The following DLG2 variants were observed in gnomAD, a reference collection of about 807,000 sequenced individuals.
The protein encoded by DLG2 is discs large MAGUK scaffold protein 2.
A neutral mutation model predicts 132.5 loss-of-function variants in DLG2; 45 were observed. The ratio of observed to expected loss-of-function variants is 0.34; its 90% CI spans 0.27 to 0.44. The LOEUF (loss-of-function observed/expected upper bound fraction) is 0.44, where lower values mean the gene tolerates loss of function less well. Ranked by LOEUF, DLG2 falls within the 20% of genes least tolerant of loss-of-function variation. The pLI, the probability that DLG2 is intolerant of heterozygous loss-of-function variation, is 1.00. For synonymous variants in DLG2, 424 were observed against 419.6 expected (o/e 1.01, Z -0.13); for missense variants, 1,045 against 1,196.9 (o/e 0.87, Z 1.87).
intron 19 of DLG2, among the ~76,000 whole-genome samples, chr11:83,597,429 T>C (rs2057776417): frequency 6.6e-6 from 1 of 152,198 alleles, no homozygotes; most frequent in Non-Finnish European, 1.5e-5. Context: ...GGCTCATGCC[T>C]GTAATCCCAG....
intron 15 of DLG2, among the ~76,000 whole-genome samples, chr11:83,889,243 C>T (rs28771738): frequency 0.017 from 2,602 of 152,006 alleles, 76 homozygotes; most frequent in African/African-American, 0.058. Flanking sequence ...CTACAATGAA[C>T]TCAAACAAAT....
At chr11:83,866,254 A>G (rs1303514153) in intron 16 of DLG2, among the ~76,000 whole-genome samples, 3 of 152,180 alleles carry the variant, frequency 2.0e-5, no homozygotes, top group Non-Finnish European at 4.4e-5. Flanking sequence ...CAAGTTAAAA[A>G]AGGACAGTAT....
At chr11:85,287,013 G>T (rs1163391516) in intron 3 of DLG2, among the ~76,000 whole-genome samples, 1 of 152,034 alleles carries the variant, frequency 6.6e-6, no homozygotes. Flanking sequence ...ATATTACCTA[G>T]TATTGGATTA....
At chr11:84,593,777 C>G (rs1320577825) in intron 6 of DLG2, among the ~76,000 whole-genome samples, 1 of 151,882 alleles carries the variant, frequency 6.6e-6, no homozygotes, top group Non-Finnish European at 1.5e-5. Context: ...GCACATGTAT[C>G]CCAGAACTTA....
intron 18 of DLG2, among the ~76,000 whole-genome samples, chr11:83,764,161 T>C (rs1440833905): frequency 6.6e-6 from 1 of 152,078 alleles, no homozygotes; most frequent in African/African-American, 2.4e-5. Context: ...AGCAGTACTA[T>C]CGCATGGCTG....
At chr11:83,859,722 G>A (rs549918787) in intron 16 of DLG2, among the ~76,000 whole-genome samples, 9 of 152,310 alleles carry the variant, frequency 5.9e-5, no homozygotes, top group Middle Eastern at 3.4e-3. Flanking sequence ...CTGAATGTTA[G>A]TCACCTAGAA....
intron 6 of DLG2, among the ~76,000 whole-genome samples, chr11:84,597,393 T>C (rs956504420): frequency 6.6e-6 from 1 of 152,118 alleles, no homozygotes; most frequent in South Asian, 2.1e-4. Context: ...CTATTTTTTT[T>C]CCAAAAAGTT....
In DLG2 at chr11:83,703,661, A is replaced by C. The variant is rs183857397; in HGVS notation, c.1826-70336T>G. Among the ~76,000 whole-genome samples the C allele has an allele frequency of 5.3e-5, 8 of 152,346 alleles. No homozygotes were observed. In the East Asian group the frequency reaches 1.5e-3, roughly 29 times the overall value. Reference sequence around the variant, plus strand: ...TGAAACTCTGTCTCAAAAAAAATCAACAAAAACCAAAGTTTTCTTTACATT... The same window carrying C: ...TGAAACTCTGTCTCAAAAAAAATCACCAAAAACCAAAGTTTTCTTTACATT... On this transcript the variant is annotated intron_variant, in intron 18 of 27. Transcript: ENST00000376104.
At chr11:85,030,258 GT>G (rs2060895923) in intron 6 of DLG2, among the ~76,000 whole-genome samples, 1 of 152,170 alleles carries the variant, frequency 6.6e-6, no homozygotes, top group East Asian at 1.9e-4. Context: ...GGTTTTGGTT[GT>G]TGCTTCACAT....
chr11:84,647,133 A>C (rs926249304), intron 6 of DLG2, among the ~76,000 whole-genome samples: 3 of 152,170 alleles, frequency 2.0e-5, no homozygotes, highest in Non-Finnish European at 4.4e-5. Context: ...TACTAATGGC[A>C]TAATAAGAGC....
At chr11:85,021,630 C>A in intron 6 of DLG2, 1 of 1,278,290 alleles carries the variant, frequency 7.8e-7, no homozygotes. Context: ...GAGGATCTGT[C>A]TTGTTGGTAA....
intron 7 of DLG2, among the ~76,000 whole-genome samples, chr11:84,500,116 T>C (rs1310423428): frequency 1.3e-5 from 2 of 151,710 alleles, no homozygotes; most frequent in Non-Finnish European, 2.9e-5. Flanking sequence ...CAAAGCAATA[T>C]CAGGTTGTGA....
intron 18 of DLG2, among the ~76,000 whole-genome samples, chr11:83,769,475 G>A (rs1302180008): frequency 1.3e-5 from 2 of 151,852 alleles, no homozygotes; most frequent in East Asian, 3.9e-4. Flanking sequence ...AAGATGCTGA[G>A]ATAGCACAGA....
At chr11:83,794,039 G>A (rs1167740109) in intron 17 of DLG2, among the ~76,000 whole-genome samples, 4 of 152,164 alleles carry the variant, frequency 2.6e-5, no homozygotes, top group Non-Finnish European at 5.9e-5. Context: ...CCAGCCAAGC[G>A]CTCCTCTTGC....
chr11:83,502,198 A>G (rs531682354), intron 21 of DLG2, among the ~76,000 whole-genome samples: 4 of 152,324 alleles, frequency 2.6e-5, no homozygotes, highest in East Asian at 3.9e-4. Flanking sequence ...CAACTTATAC[A>G]TAAGGAAACT....
At chr11:84,913,584 T>C (rs2092266486) in intron 6 of DLG2, among the ~76,000 whole-genome samples, 1 of 136,912 alleles carries the variant, frequency 7.3e-6, no homozygotes, top group Non-Finnish European at 1.7e-5. Context: ...ATGATTCTTA[T>C]CTTATCACAT....
intron 18 of DLG2, chr11:83,651,450 C>T (rs1410588744): frequency 6.2e-6 from 1 of 161,716 alleles, no homozygotes; most frequent in African/African-American, 2.4e-5. Context: ...AATAAATGCC[C>T]ATTCTCTTCA....
At chr11:84,685,578 C>CTAGA (rs1245182882) in intron 6 of DLG2, among the ~76,000 whole-genome samples, 1 of 152,202 alleles carries the variant, frequency 6.6e-6, no homozygotes, top group Non-Finnish European at 1.5e-5. Flanking sequence ...TGAGCTTGAG[C>CTAGA]TAGAGATTTA....
intron 11 of DLG2, among the ~76,000 whole-genome samples, chr11:84,005,024 A>T (rs2094516505): frequency 6.6e-6 from 1 of 151,494 alleles, no homozygotes; most frequent in African/African-American, 2.4e-5. Flanking sequence ...CAACCAAAAA[A>T]CCCCAAAACC....
Sources: gnomAD v4.1 joint callset for allele counts (sites outside exome capture counted in the v4.1 genomes callset) on GRCh38, gnomAD v4.1.1 for gene constraint, MANE v1.5 for transcripts, NCBI Gene and HGNC (gene_info 2026-07-23, HGNC 2026-07-21) for gene names.